Variants in ACAP2 observed in about 807,000 individuals in gnomAD.
ACAP2 encodes the protein ArfGAP with coiled-coil, ankyrin repeat and PH domains 2.
A neutral mutation model predicts 115.8 loss-of-function variants in ACAP2; 39 were observed. The observed-to-expected ratio is 0.34, with a 90% confidence interval of 0.26 to 0.44. The LOEUF (loss-of-function observed/expected upper bound fraction) is 0.44, where lower values mean the gene tolerates loss of function less well. Among genes scored for constraint, ACAP2 ranks in the 20% least tolerant of loss-of-function variants. The pLI, the probability that ACAP2 is intolerant of heterozygous loss-of-function variation, is 1.00. For missense variants in ACAP2, 662 were observed against 927.6 expected, an observed-to-expected ratio of 0.71 and a Z score of 3.72; for synonymous variants, 289 against 315.8, an observed-to-expected ratio of 0.92 and a Z score of 0.90.
chr3:195,334,582 T>C (rs1427542379), intron 7 of ACAP2, among the ~76,000 whole-genome samples: 1 of 152,034 alleles, frequency 6.6e-6, no homozygotes, highest in East Asian at 1.9e-4. Context: ...ATGAGGTACA[T>C]AAGTGGCCAA....
intron 17 of ACAP2, 95 bp downstream of exon 17, chr3:195,295,613 T>C: frequency 1.5e-6 from 2 of 1,373,220 alleles, no homozygotes; most frequent in South Asian, 2.6e-5. Flanking sequence ...GTTTTTAACA[T>C]TAAAAAAAAC....
chr3:195,400,133 G>T (rs919404552), intron 1 of ACAP2, among the ~76,000 whole-genome samples: 2 of 151,000 alleles, frequency 1.3e-5, no homozygotes, highest in Non-Finnish European at 2.9e-5. Flanking sequence ...AGCCAAGATC[G>T]CACCATTGCA....
At chr3:195,365,137 A>T (rs1474968588) in intron 4 of ACAP2, among the ~76,000 whole-genome samples, 1 of 152,182 alleles carries the variant, frequency 6.6e-6, no homozygotes, top group Non-Finnish European at 1.5e-5. Context: ...GGCTAGGTGG[A>T]GGGTAGGGGG....
chr3:195,334,687 TG>T (rs1321948706), intron 7 of ACAP2, among the ~76,000 whole-genome samples: 4 of 152,032 alleles, frequency 2.6e-5, no homozygotes, highest in Admixed American at 6.6e-5. Context: ...AGGGGCAGCA[TG>T]GGGGAAAAAC....
At chr3:195,281,805 A>G (rs1291865422) in intron 22 of ACAP2, among the ~76,000 whole-genome samples, 1 of 152,238 alleles carries the variant, frequency 6.6e-6, no homozygotes. Context: ...AACAAACCAT[A>G]TAAAATATTT....
intron 4 of ACAP2, among the ~76,000 whole-genome samples, chr3:195,348,672 A>G (rs1255860349): frequency 1.3e-5 from 2 of 152,262 alleles, no homozygotes; most frequent in African/African-American, 4.8e-5. Context: ...TGGATTTAAC[A>G]TTCAAAAAAA....
chr3:195,279,451 A>G (rs200561965), intron 22 of ACAP2, 23 bp from the exon 23 acceptor site: 37 of 1,431,260 alleles, frequency 2.6e-5, no homozygotes, highest in Non-Finnish European at 3.6e-5. Flanking sequence ...AAATAAAGAC[A>G]CTTTAAACAT....
intron 17 of ACAP2, among the ~76,000 whole-genome samples, chr3:195,295,033 T>A (rs1274749502): frequency 6.6e-6 from 1 of 152,118 alleles, no homozygotes. Flanking sequence ...GTTTAACACA[T>A]CTCATTACTC....
At chr3:195,342,803 G>C (rs1160230336) in intron 5 of ACAP2, 149 bp from the exon 6 acceptor site, 2 of 511,894 alleles carry the variant, frequency 3.9e-6, no homozygotes, top group African/African-American at 4.0e-5. Flanking sequence ...AGACCATCCT[G>C]GCCAACATGG....
chr3:195,325,413 GA>G (rs1729721237), intron 9 of ACAP2: 2 of 353,882 alleles, frequency 5.7e-6, no homozygotes, highest in Non-Finnish European at 1.0e-5. Flanking sequence ...TTAGTGGACT[GA>G]TTTTTTTTTT....
chr3:195,388,287 G>C (rs971681649), intron 2 of ACAP2, among the ~76,000 whole-genome samples: 5 of 152,208 alleles, frequency 3.3e-5, no homozygotes, highest in African/African-American at 4.8e-5. Flanking sequence ...GATTTAAAGA[G>C]TATCTGCTCA....
At chr3:195,375,616 A>C (rs983709190) in intron 4 of ACAP2, among the ~76,000 whole-genome samples, 7 of 152,102 alleles carry the variant, frequency 4.6e-5, no homozygotes, top group Non-Finnish European at 1.0e-4. Flanking sequence ...GTTTGAGACC[A>C]GCCTGGACAA....
chr3:195,365,658 G>A (rs1732664802), intron 4 of ACAP2, among the ~76,000 whole-genome samples: 1 of 151,936 alleles, frequency 6.6e-6, no homozygotes, highest in Non-Finnish European at 1.5e-5. Context: ...GTCCTTTCCG[G>A]AATCTATAGA....
chr3:195,403,074 T>C (rs1191237566), intron 1 of ACAP2, among the ~76,000 whole-genome samples: 2 of 152,086 alleles, frequency 1.3e-5, no homozygotes, highest in Non-Finnish European at 2.9e-5. Flanking sequence ...GGCTACAGTT[T>C]TACTATTTAA....
intron 4 of ACAP2, among the ~76,000 whole-genome samples, chr3:195,375,472 T>G (rs1733460344): frequency 7.8e-6 from 1 of 128,932 alleles, no homozygotes; most frequent in South Asian, 2.4e-4. Context: ...GTTGAGTGAC[T>G]AAGTGTACAG....
In ACAP2 at chr3:195,344,884, C is replaced by T. The variant is rs190814181; in HGVS notation, c.344+375G>A. Among the ~76,000 whole-genome samples the T allele has an allele frequency of 2.0e-4, 30 of 152,282 alleles. No homozygotes were observed. In the East Asian group the frequency reaches 5.4e-3, roughly 27 times the overall value. On this transcript the variant is annotated intron_variant, in intron 5 of 22. Coordinates refer to ENST00000326793, the MANE Select transcript of ACAP2 (RefSeq NM_012287.6). ...CATTATCTTCTCTTCAAAGAAAATA[C>T]CACATTGAAACAATGGAAAACACAG...
intron 1 of ACAP2, among the ~76,000 whole-genome samples, chr3:195,428,996 T>C (rs1183678871): frequency 6.6e-6 from 1 of 152,180 alleles, no homozygotes; most frequent in Non-Finnish European, 1.5e-5. Context: ...ACAACTTTAT[T>C]CACAATGATC....
intron 13 of ACAP2, among the ~76,000 whole-genome samples, chr3:195,302,511 C>A (rs1291826836): frequency 6.6e-6 from 1 of 151,620 alleles, no homozygotes; most frequent in Admixed American, 6.6e-5. Flanking sequence ...TATTCAAACT[C>A]AAGAATGAAA....
intron 1 of ACAP2, among the ~76,000 whole-genome samples, chr3:195,398,857 G>A (rs1173094347): frequency 6.6e-6 from 1 of 151,998 alleles, no homozygotes; most frequent in Non-Finnish European, 1.5e-5. Flanking sequence ...GGGAGTAGTG[G>A]AAAAACAAAC....
Sources: gnomAD v4.1 joint callset for allele counts (sites outside exome capture counted in the v4.1 genomes callset) on GRCh38, gnomAD v4.1.1 for gene constraint, MANE v1.5 for transcripts, NCBI Gene and HGNC (gene_info 2026-07-23, HGNC 2026-07-21) for gene names.